The following CDCA7L variants were observed in gnomAD, a reference collection of about 807,000 sequenced individuals.
CDCA7L encodes the protein cell division cycle associated 7 like.
In CDCA7L, 44 loss-of-function variants were observed where a neutral mutation model predicts 57.4. The ratio of observed to expected loss-of-function variants is 0.77; its 90% CI spans 0.60 to 0.98. The LOEUF (loss-of-function observed/expected upper bound fraction) is 0.98, where lower values mean the gene tolerates loss of function less well. CDCA7L is among the 50% of genes least tolerant of loss of function. CDCA7L has a pLI of 0.00. For synonymous variants in CDCA7L, 236 were observed against 202.8 expected (o/e 1.16, Z -1.39); for missense variants, 644 against 580.6 (o/e 1.11, Z -1.12).
intron 1 of CDCA7L, among the ~76,000 whole-genome samples, chr7:21,919,532 C>T (rs1398836412): frequency 6.6e-6 from 1 of 152,082 alleles, no homozygotes; most frequent in African/African-American, 2.4e-5. Context: ...CAATGCATCT[C>T]GGTTAATTAA....
In CDCA7L at chr7:21,925,063, G is replaced by C. The variant is rs79449916; in HGVS notation, c.25-8169C>G. Among the ~76,000 whole-genome samples, 1,494 of 152,180 alleles carry C rather than the reference G, an allele frequency of 9.8e-3. 20 individuals carry two copies. Among genetic ancestry groups the C allele is most frequent in the African/African-American group, 0.033 (1,376 of 41,516 alleles). ...CTGACCATGTAACAGTTTAAAGCTT[G>C]CTACTTAAAAGAAGAAAATTCAGAA... On this transcript the variant is annotated intron_variant, in intron 1 of 9. Coordinates refer to ENST00000406877, the MANE Select transcript of CDCA7L (RefSeq NM_018719.5).
intron 1 of CDCA7L, among the ~76,000 whole-genome samples, chr7:21,942,705 ATC>A (rs1786378356): frequency 6.6e-6 from 1 of 152,140 alleles, no homozygotes; most frequent in South Asian, 2.1e-4. Context: ...AATCATTATG[ATC>A]TCTGAGGTTT....
chr7:21,935,294 G>C (rs150645371), intron 1 of CDCA7L, among the ~76,000 whole-genome samples: 200 of 152,184 alleles, frequency 1.3e-3, no homozygotes, highest in African/African-American at 4.6e-3. Flanking sequence ...ACAACCATGG[G>C]TCAAAGAAGA....
At position 21,902,259 on chromosome 7, in the gene CDCA7L, A is replaced by AATGGTATGCATGTCTTGT. The variant is rs1784924454; in HGVS notation, c.*45_*62dup. On this transcript the variant is annotated 3_prime_UTR_variant, in exon 10 of 10. Transcript: ENST00000406877. ...TGTAAAAAAATCTTTCTTAGGCACC[A>AATGGTATGCATGTCTTGT]ATGGTATGCATGTCTTGTTGGAGTA... The AATGGTATGCATGTCTTGT allele has an allele frequency of 6.9e-7, 1 of 1,450,880 alleles. No homozygotes were observed. The highest frequency in any genetic ancestry group is 1.7e-4 in the Middle Eastern group (1 of 5,760). The allele number at this position is 1,450,880 out of a possible 1,614,324, so 89.9% of individuals were successfully genotyped here.
intron 1 of CDCA7L, among the ~76,000 whole-genome samples, chr7:21,927,056 T>C (rs1266090244): frequency 6.6e-6 from 1 of 152,184 alleles, no homozygotes; most frequent in Non-Finnish European, 1.5e-5. Flanking sequence ...AGAGTCAGTC[T>C]GCAAAGACTG....
chr7:21,910,434 T>C (rs1226587443), intron 3 of CDCA7L, among the ~76,000 whole-genome samples: 2 of 152,180 alleles, frequency 1.3e-5, no homozygotes, highest in African/African-American at 4.8e-5. Flanking sequence ...TTTTATGCTC[T>C]ACATTCTCTC....
At position 21,901,403 on chromosome 7, in the gene CDCA7L, A is replaced by AAAAAAATACTAGAAACTAACTC; in HGVS notation, c.*897_*918dup. ...ACGCTATCCTTAGAGTGAAAGTCAG[A>AAAAAAATACTAGAAACTAACTC]AAAAAATACTAGAAACTAACTCAGG... On this transcript the variant is annotated 3_prime_UTR_variant, in exon 10 of 10. Coordinates refer to ENST00000406877, the MANE Select transcript of CDCA7L (RefSeq NM_018719.5). The AAAAAAATACTAGAAACTAACTC allele has an allele frequency of 1.7e-6, 2 of 1,145,996 alleles. No homozygotes were observed. Among genetic ancestry groups the AAAAAAATACTAGAAACTAACTC allele is most frequent in the African/African-American group, 1.6e-5 (1 of 62,506 alleles). 71.0% of individuals were successfully genotyped at this position (1,145,996 alleles called of 1,614,324 possible). A position where few individuals can be genotyped will look rare whatever the true frequency, so the allele number is the denominator to read the frequency against.
At chr7:21,902,900 A>AACTACTTGC in intron 9 of CDCA7L, 78 bp downstream of exon 9, 1 of 1,398,376 alleles carries the variant, frequency 7.2e-7, no homozygotes, top group Non-Finnish European at 9.9e-7. Context: ...GGAAGGCAAC[A>AACTACTTGC]ACTACTTGCC....
chr7:21,915,633 A>G (rs1785456580), intron 2 of CDCA7L, among the ~76,000 whole-genome samples: 1 of 105,174 alleles, frequency 9.5e-6, no homozygotes, highest in Non-Finnish European at 1.7e-5. Context: ...CCCCATCACT[A>G]CTAAAAAAAA....
intron 1 of CDCA7L, among the ~76,000 whole-genome samples, chr7:21,933,929 C>A (rs1279208475): frequency 1.3e-5 from 2 of 151,054 alleles, no homozygotes; most frequent in African/African-American, 2.4e-5. Flanking sequence ...AAGAATTCTC[C>A]ATCTGGTTAA....
At chr7:21,903,996 GA>G (rs1226386933) in intron 8 of CDCA7L, 113 bp downstream of exon 8, 19 of 1,025,430 alleles carry the variant, frequency 1.9e-5, no homozygotes, top group Non-Finnish European at 2.1e-5. Flanking sequence ...AAATGGAAGG[GA>G]AAAACCAGAG....
At chr7:21,937,452 T>C (rs1039532149) in intron 1 of CDCA7L, among the ~76,000 whole-genome samples, 2 of 151,930 alleles carry the variant, frequency 1.3e-5, no homozygotes, top group Non-Finnish European at 2.9e-5. Context: ...CTGGGCAACA[T>C]GGTGAAACCC....
chr7:21,902,545 A>C, intron 9 of CDCA7L, 193 bp from the exon 10 acceptor site: 1 of 603,070 alleles, frequency 1.7e-6, no homozygotes, highest in Non-Finnish European at 3.0e-6. Flanking sequence ...GACTTGCCTC[A>C]CTCCCGCATT....
chr7:21,924,917 A>T lies in CDCA7L; in HGVS notation c.25-8023T>A, dbSNP rs542297623. ...AGAAAACAAATAAATCAGATGGTCG[A>T]CGAGTTAAATGGTAAACAAGCACAA... On this transcript the variant is annotated intron_variant, in intron 1 of 9. Coordinates refer to ENST00000406877, the MANE Select transcript of CDCA7L (RefSeq NM_018719.5). Among the ~76,000 whole-genome samples, 3 of 152,320 alleles carry T rather than the reference A, an allele frequency of 2.0e-5. 1 individual carries two copies. Among genetic ancestry groups the T allele is most frequent in the African/African-American group, 7.2e-5 (3 of 41,576 alleles).
intron 7 of CDCA7L, 73 bp from the exon 8 acceptor site, chr7:21,904,332 T>C: frequency 7.1e-7 from 1 of 1,404,160 alleles, no homozygotes; most frequent in Non-Finnish European, 9.6e-7. Context: ...TGCCACCATG[T>C]GCATTTCCAA....
intron 3 of CDCA7L, among the ~76,000 whole-genome samples, chr7:21,909,732 C>G (rs1242233232): frequency 6.6e-6 from 1 of 152,174 alleles, no homozygotes; most frequent in African/African-American, 2.4e-5. Flanking sequence ...CATTTATCTA[C>G]CATCCTCATC....
At chr7:21,930,383 C>A (rs928693211) in intron 1 of CDCA7L, among the ~76,000 whole-genome samples, 1 of 152,106 alleles carries the variant, frequency 6.6e-6, no homozygotes, top group African/African-American at 2.4e-5. Flanking sequence ...AAAATTGACA[C>A]CCTAGCATCA....
At chr7:21,911,824 G>A (rs1460977139) in intron 2 of CDCA7L, 70 bp from the exon 3 acceptor site, 1 of 1,460,234 alleles carries the variant, frequency 6.8e-7, no homozygotes, top group Non-Finnish European at 9.3e-7. Context: ...GGTAGAATGA[G>A]GAGCTACTGA....
chr7:21,905,647 A>G lies in CDCA7L; in HGVS notation c.922-16T>C. On this transcript the variant is annotated splice_polypyrimidine_tract_variant and intron_variant, in intron 6 of 9. Coordinates refer to ENST00000406877, the MANE Select transcript of CDCA7L (RefSeq NM_018719.5). ...GGCATTTCCCCTGCACAATGAACAC[A>G]AGCAGAACATGGAGATGTGTTGAGC... The G allele has an allele frequency of 1.2e-6, 2 of 1,612,466 alleles. No homozygotes were observed. Among genetic ancestry groups the G allele is most frequent in the Non-Finnish European group, 1.7e-6 (2 of 1,179,540 alleles).
Sources: allele counts gnomAD v4.1 joint callset (sites outside exome capture counted in the v4.1 genomes callset), GRCh38; gene constraint gnomAD v4.1.1; transcripts MANE v1.5; gene names NCBI Gene and HGNC (gene_info 2026-07-23, HGNC 2026-07-21).